RNF180: variants seen among roughly 807,000 people sequenced by gnomAD.
The protein encoded by RNF180 is E3 ubiquitin-protein ligase RNF180.
In RNF180, 38 loss-of-function variants were observed where a neutral mutation model predicts 59.2. That is an observed-to-expected ratio of 0.64 (90% CI 0.50 to 0.84). The LOEUF (loss-of-function observed/expected upper bound fraction) is 0.84. Among genes scored for constraint, RNF180 ranks in the 40% least tolerant of loss-of-function variants. The probability of loss-of-function intolerance (pLI) is 0.00; values close to 1 mark genes in which losing one functional copy is unlikely to be tolerated. For missense variants in RNF180, 705 were observed against 700.9 expected (o/e 1.01, Z -0.07); for synonymous variants, 262 against 240.3 (o/e 1.09, Z -0.84).
chr5:64,274,272 C>G (rs2112363056), intron 5 of RNF180, among the ~76,000 whole-genome samples: 1 of 151,830 alleles, frequency 6.6e-6, no homozygotes, highest in African/African-American at 2.4e-5. Context: ...TTCAAATTCA[C>G]TTATTCTTTT....
At chr5:64,216,844 T>G (rs1752657079) in intron 4 of RNF180, among the ~76,000 whole-genome samples, 1 of 152,208 alleles carries the variant, frequency 6.6e-6, no homozygotes, top group Non-Finnish European at 1.5e-5. Context: ...CATTTTTATT[T>G]TTTAAATTAT....
chr5:64,253,541 GAT>G (rs1444941575), intron 5 of RNF180, among the ~76,000 whole-genome samples: 1 of 152,088 alleles, frequency 6.6e-6, no homozygotes, highest in Non-Finnish European at 1.5e-5. Flanking sequence ...ATATCACTGA[GAT>G]TGAAATTTTT....
chr5:64,237,896 CT>C (rs1449932588), intron 5 of RNF180, among the ~76,000 whole-genome samples: 2 of 152,122 alleles, frequency 1.3e-5, no homozygotes, highest in African/African-American at 4.8e-5. Flanking sequence ...ATGTACCTTT[CT>C]TCCCCTTTAC....
At chr5:64,224,701 C>T (rs1438434037) in intron 5 of RNF180, among the ~76,000 whole-genome samples, 3 of 152,198 alleles carry the variant, frequency 2.0e-5, no homozygotes, top group Non-Finnish European at 1.5e-5. Context: ...GGTAGGAGAA[C>T]AGCAAAGATG....
In RNF180 at chr5:64,280,083, G is replaced by A. The variant is rs752060213; in HGVS notation, c.1228-45103G>A. Among the ~76,000 whole-genome samples, 7 of 152,222 alleles carry A rather than the reference G, an allele frequency of 4.6e-5. No homozygotes were observed. The Middle Eastern group carries it at 0.014, about 296-fold the overall frequency. ...TTTGTACTTAATGATTAGTAATGTT[G>A]AACATTTTTTTTCATATGCTAGTTG... is the stretch of plus-strand genomic sequence containing the variant. On this transcript the variant is annotated intron_variant, in intron 5 of 7. Coordinates refer to ENST00000389100, the MANE Select transcript of RNF180 (RefSeq NM_001113561.2).
intron 5 of RNF180, among the ~76,000 whole-genome samples, chr5:64,311,214 C>T (rs1010034570): frequency 3.3e-5 from 5 of 151,858 alleles, no homozygotes; most frequent in Non-Finnish European, 7.4e-5. Context: ...ATTACAGTTA[C>T]TTTGATCTGA....
At chr5:64,203,034 C>G (rs1238413581) in intron 2 of RNF180, among the ~76,000 whole-genome samples, 1 of 152,186 alleles carries the variant, frequency 6.6e-6, no homozygotes, top group African/African-American at 2.4e-5. Flanking sequence ...AGTGGCTGAT[C>G]CTTTTATTTA....
At chr5:64,276,319 GGTGTGTGTGTGTGTGT>G (rs375203511) in intron 5 of RNF180, among the ~76,000 whole-genome samples, 143 of 138,186 alleles carry the variant, frequency 1.0e-3, no homozygotes, top group African/African-American at 3.7e-3. Flanking sequence ...AAAATACATT[GGTGTGTGTGTGTGTGT>G]GTGTGTGTGT....
At chr5:64,218,270 G>A (rs1239699121) in intron 5 of RNF180, among the ~76,000 whole-genome samples, 1 of 152,118 alleles carries the variant, frequency 6.6e-6, no homozygotes, top group Non-Finnish European at 1.5e-5. Flanking sequence ...ATAAAATTGA[G>A]AATTAGGATT....
At chr5:64,256,899 T>G (rs1339629107) in intron 5 of RNF180, among the ~76,000 whole-genome samples, 1 of 152,136 alleles carries the variant, frequency 6.6e-6, no homozygotes, top group Admixed American at 6.6e-5. Flanking sequence ...TTGTAGTTCT[T>G]CTTGAAGAGG....
chr5:64,176,527 C>A (rs1371587281), intron 1 of RNF180, among the ~76,000 whole-genome samples: 1 of 152,062 alleles, frequency 6.6e-6, no homozygotes, highest in Non-Finnish European at 1.5e-5. Flanking sequence ...AAGGTGTTTT[C>A]TTGCTTTCTT....
intron 7 of RNF180, among the ~76,000 whole-genome samples, chr5:64,347,873 A>G (rs1361459486): frequency 6.6e-6 from 1 of 152,164 alleles, no homozygotes; most frequent in Admixed American, 6.6e-5. Flanking sequence ...TATGCTGGCA[A>G]TGAAGTGGTT....
intron 5 of RNF180, among the ~76,000 whole-genome samples, chr5:64,231,853 T>C (rs1040416762): frequency 6.6e-6 from 1 of 152,224 alleles, no homozygotes; most frequent in African/African-American, 2.4e-5. Flanking sequence ...AAAAAGCTTT[T>C]GCAGCCACTA....
intron 5 of RNF180, among the ~76,000 whole-genome samples, chr5:64,301,645 A>G (rs1743164285): frequency 6.6e-6 from 1 of 151,626 alleles, no homozygotes; most frequent in Non-Finnish European, 1.5e-5. Context: ...TCAGTTGGAA[A>G]TTAAAGCTGC....
intron 5 of RNF180, among the ~76,000 whole-genome samples, chr5:64,323,273 T>A (rs557038015): frequency 6.6e-6 from 1 of 152,252 alleles, no homozygotes; most frequent in African/African-American, 2.4e-5. Flanking sequence ...GGGTGTGGTG[T>A]CTCACAGCCT....
chr5:64,345,530 TATTA>T (rs1454360202), intron 7 of RNF180, among the ~76,000 whole-genome samples: 2 of 152,192 alleles, frequency 1.3e-5, no homozygotes, highest in African/African-American at 2.4e-5. Context: ...GTTTAAAATG[TATTA>T]ATTAAAGATG....
intron 1 of RNF180, among the ~76,000 whole-genome samples, chr5:64,177,833 A>T (rs1479680102): frequency 6.6e-6 from 1 of 152,032 alleles, no homozygotes; most frequent in African/African-American, 2.4e-5. Flanking sequence ...ACTAGCAATA[A>T]TGAGAGTCAT....
chr5:64,176,768 T>C (rs566678692), intron 1 of RNF180, among the ~76,000 whole-genome samples: 1 of 152,316 alleles, frequency 6.6e-6, no homozygotes, highest in Non-Finnish European at 1.5e-5. Flanking sequence ...CACAGCTGTT[T>C]AAAAGCAGCT....
chr5:64,346,774 G>C (rs886856339), intron 7 of RNF180, among the ~76,000 whole-genome samples: 1 of 152,094 alleles, frequency 6.6e-6, no homozygotes, highest in Non-Finnish European at 1.5e-5. Context: ...TCAAACATCA[G>C]TATTATTTAA....
Sources: allele counts gnomAD v4.1 joint callset (sites outside exome capture counted in the v4.1 genomes callset), GRCh38; gene constraint gnomAD v4.1.1; transcripts MANE v1.5; gene names NCBI Gene and HGNC (gene_info 2026-07-23, HGNC 2026-07-21).